Variants in ERLIN1 observed in about 807,000 individuals in gnomAD.
ERLIN1 encodes ER lipid raft associated 1.
Under a neutral mutation model 46.9 loss-of-function variants are expected in ERLIN1, and 24 were observed. The ratio of observed to expected loss-of-function variants is 0.51; its 90% CI spans 0.37 to 0.72. The LOEUF (loss-of-function observed/expected upper bound fraction) is 0.72, where lower values mean the gene tolerates loss of function less well. ERLIN1 is among the 30% of genes least tolerant of loss of function. The pLI is 0.00. For missense variants in ERLIN1, 293 were observed against 417.9 expected (o/e 0.70, Z 2.61); for synonymous variants, 158 against 143.2 (o/e 1.10, Z -0.74).
rs1844932519 is a variant in ERLIN1 at position 100,185,728 on chromosome 10, T to C, written c.-102A>G. On this transcript the variant is annotated 5_prime_UTR_variant, in exon 1 of 11. Coordinates refer to ENST00000421367, the MANE Select transcript of ERLIN1 (RefSeq NM_006459.4). Reference sequence around the variant, plus strand: ...CTCTCCCTCCGGAAACTTGGCGCTCTCTCGCAGGCTGAGCCGGGGAGTCCA... The same window carrying C: ...CTCTCCCTCCGGAAACTTGGCGCTCCCTCGCAGGCTGAGCCGGGGAGTCCA... 2 of 918,356 alleles carry C rather than the reference T, an allele frequency of 2.2e-6. No homozygotes were observed. Among genetic ancestry groups the C allele is most frequent in the Admixed American group, 3.7e-5 (2 of 54,196 alleles). 56.9% of individuals were successfully genotyped at this position (918,356 alleles called of 1,614,324 possible).
chr10:100,179,818 T>TG (rs1844534996), intron 2 of ERLIN1, among the ~76,000 whole-genome samples: 1 of 152,148 alleles, frequency 6.6e-6, no homozygotes, highest in Non-Finnish European at 1.5e-5. Flanking sequence ...TGCTAATAAG[T>TG]AGAAAACTCT....
At chr10:100,180,421 T>TA (rs1463643966) in intron 2 of ERLIN1, among the ~76,000 whole-genome samples, 2 of 152,140 alleles carry the variant, frequency 1.3e-5, no homozygotes, top group African/African-American at 4.8e-5. Context: ...ACACAAATTA[T>TA]AAACTGAACT....
At chr10:100,178,285 T>C (rs1477436634) in intron 3 of ERLIN1, 91 bp from the exon 4 acceptor site, 3 of 775,410 alleles carry the variant, frequency 3.9e-6, no homozygotes, top group African/African-American at 3.5e-5. Context: ...TAATGAAACA[T>C]ACTAATATTC....
rs116238236 is a variant in ERLIN1, at chr10:100,180,494, G to A, written c.196-1247C>T. ...GTTTGAAAAGCTCTCTGAGGTGAAG[G>A]ATTTATAAGCCAGGTCTAGAGTGGG... is the stretch of plus-strand genomic sequence containing the variant. On this transcript the variant is annotated intron_variant, in intron 2 of 10. Coordinates refer to ENST00000421367, the MANE Select transcript of ERLIN1 (RefSeq NM_006459.4). 8.0e-3 allele frequency among the ~76,000 whole-genome samples: 1,224 copies of A among 152,316 alleles called. 22 individuals carry two copies. The highest frequency in any genetic ancestry group is 0.027 in the African/African-American group (1,115 of 41,568).
intron 6 of ERLIN1, among the ~76,000 whole-genome samples, chr10:100,170,623 G>A (rs1036318449): frequency 2.6e-5 from 4 of 152,216 alleles, no homozygotes; most frequent in Non-Finnish European, 2.9e-5. Context: ...TGACAGTGAA[G>A]ATGGAGGTGT....
At chr10:100,163,013 ACT>A (rs1213968919) in intron 8 of ERLIN1, among the ~76,000 whole-genome samples, 23 of 152,210 alleles carry the variant, frequency 1.5e-4, no homozygotes, top group Non-Finnish European at 2.9e-4. Context: ...TTACAATAAA[ACT>A]AGGCCCGCTC....
intron 4 of ERLIN1, among the ~76,000 whole-genome samples, chr10:100,177,289 T>G (rs1174072903): frequency 6.6e-6 from 1 of 152,170 alleles, no homozygotes; most frequent in East Asian, 1.9e-4. Context: ...TCCAGTGATT[T>G]GTAATCAAGG....
At chr10:100,152,392 C>T in intron 10 of ERLIN1, 40 bp from the exon 11 acceptor site, 1 of 1,125,108 alleles carries the variant, frequency 8.9e-7, no homozygotes. Context: ...TCAGAATACT[C>T]TGGTGCAACA....
intron 10 of ERLIN1, 24 bp downstream of exon 10, chr10:100,154,836 G>A: frequency 6.3e-7 from 1 of 1,597,610 alleles, no homozygotes; most frequent in Non-Finnish European, 8.6e-7. Context: ...GCATCATTAG[G>A]AAAGTGGCCA....
intron 9 of ERLIN1, among the ~76,000 whole-genome samples, chr10:100,155,561 C>A (rs898150333): frequency 1.3e-5 from 2 of 151,736 alleles, no homozygotes; most frequent in Admixed American, 1.3e-4. Context: ...GTCGCCCAGG[C>A]TGGAGTGCAG....
intron 2 of ERLIN1, among the ~76,000 whole-genome samples, chr10:100,179,606 A>C (rs1844517577): frequency 6.7e-6 from 1 of 150,216 alleles, no homozygotes; most frequent in South Asian, 2.1e-4. Flanking sequence ...ACAGGTATGC[A>C]CCACTACGCT....
In ERLIN1 at chr10:100,150,806, GAA is replaced by G. The variant is rs1228907245; in HGVS notation, c.*1323_*1324del. The G allele has an allele frequency of 6.6e-6, 1 of 152,250 alleles. No homozygotes were observed. Among genetic ancestry groups the G allele is most frequent in the Admixed American group, 6.5e-5 (1 of 15,286 alleles). The allele number at this position is 152,250 out of a possible 1,614,324, so 9.4% of individuals were successfully genotyped here. A position where few individuals can be genotyped will look rare whatever the true frequency, so the allele number is the denominator to read the frequency against. The stretch of plus-strand genomic sequence containing the variant: ...CCGAACTACGCAGCACACTGCTCCA[GAA>G]AAGTTAAACTGAAGGAAAAAAAGGG... On this transcript the variant is annotated 3_prime_UTR_variant, in exon 11 of 11. Coordinates refer to ENST00000421367, the MANE Select transcript of ERLIN1 (RefSeq NM_006459.4).
chr10:100,152,694 C>A (rs1489988290), intron 10 of ERLIN1, among the ~76,000 whole-genome samples: 1 of 152,120 alleles, frequency 6.6e-6, no homozygotes, highest in South Asian at 2.1e-4. Flanking sequence ...TGGAATTGGT[C>A]TGGAGTTTCT....
At chr10:100,157,101 C>G (rs1388522784) in intron 8 of ERLIN1, among the ~76,000 whole-genome samples, 2 of 152,120 alleles carry the variant, frequency 1.3e-5, no homozygotes, top group Non-Finnish European at 2.9e-5. Context: ...AACCAGCCAA[C>G]AAGCGAAGAC....
chr10:100,178,626 TAA>T (rs1844455498), intron 3 of ERLIN1, among the ~76,000 whole-genome samples: 2 of 152,212 alleles, frequency 1.3e-5, no homozygotes, highest in South Asian at 4.1e-4. Flanking sequence ...TCAGAAACTC[TAA>T]ATTAGATGGC....
At position 100,185,653 on chromosome 10, in the gene ERLIN1, A is replaced by G. The variant is rs1844927099; in HGVS notation, c.-27T>C. 6.3e-7 allele frequency: 1 copy of G among 1,583,460 alleles called. No homozygotes were observed. The highest frequency in any genetic ancestry group is 1.3e-5 in the African/African-American group (1 of 74,494). The stretch of plus-strand genomic sequence containing the variant: ...CTCGTTCCTCCTGGGAGCGGGAGAA[A>G]AGGACCCTCAGTCCCGTGAGTGACA... On this transcript the variant is annotated 5_prime_UTR_variant, in exon 1 of 11. Coordinates refer to ENST00000421367, the MANE Select transcript of ERLIN1 (RefSeq NM_006459.4).
intron 1 of ERLIN1, among the ~76,000 whole-genome samples, chr10:100,184,575 A>G (rs1206389079): frequency 2.0e-5 from 3 of 152,228 alleles, no homozygotes; most frequent in African/African-American, 7.2e-5. Context: ...CAAGGTCATA[A>G]TAACAAGGAA....
In ERLIN1 at chr10:100,151,948, G is replaced by T. The variant is rs1388843712; in HGVS notation, c.*183C>A. ...TACTTGATAAGACTGTGGCTGAAAA[G>T]ACCATTTGTGTGTCAGACAGCTGGC... is the stretch of plus-strand genomic sequence containing the variant. On this transcript the variant is annotated 3_prime_UTR_variant, in exon 11 of 11. Transcript: ENST00000421367. 8 of 661,078 alleles carry T rather than the reference G, an allele frequency of 1.2e-5. No homozygotes were observed. The Admixed American group carries it at 1.3e-4, about 11-fold the overall frequency. The allele number at this position is 661,078 out of a possible 1,614,324, so 41.0% of individuals were successfully genotyped here.
chr10:100,182,229 C>T (rs1844701168), intron 2 of ERLIN1, among the ~76,000 whole-genome samples: 2 of 148,716 alleles, frequency 1.3e-5, no homozygotes, highest in Admixed American at 1.3e-4. Context: ...GGAGTTTCCC[C>T]ATGTTGCCCA....
Sources: allele counts gnomAD v4.1 joint callset (sites outside exome capture counted in the v4.1 genomes callset), GRCh38; gene constraint gnomAD v4.1.1; transcripts MANE v1.5; gene names NCBI Gene and HGNC (gene_info 2026-07-23, HGNC 2026-07-21).